The following MTUS2 variants were observed in gnomAD, a reference collection of about 807,000 sequenced individuals.
MTUS2 encodes microtubule associated scaffold protein 2.
In MTUS2, 40 loss-of-function variants were observed where a neutral mutation model predicts 114.1. The observed-to-expected ratio is 0.35, with a 90% CI of 0.27 to 0.46. The LOEUF (loss-of-function observed/expected upper bound fraction) is 0.46. Ranked by LOEUF, MTUS2 falls within the 20% of genes least tolerant of loss-of-function variation. The pLI, the probability that MTUS2 is intolerant of heterozygous loss-of-function variation, is 1.00. For missense variants in MTUS2, 1,679 were observed against 1,705.4 expected, an observed-to-expected ratio of 0.98 and a Z score of 0.27; for synonymous variants, 688 against 672.0, an observed-to-expected ratio of 1.02 and a Z score of -0.37.
At chr13:29,274,272 G>A (rs9551638) in intron 5 of MTUS2, among the ~76,000 whole-genome samples, 14,523 of 151,946 alleles carry the variant, frequency 0.096, 769 homozygotes, top group Non-Finnish European at 0.11. Context: ...CGCCACAACT[G>A]GCTAATTTTT....
At chr13:28,981,830 T>C (rs991525523) in intron 2 of MTUS2, among the ~76,000 whole-genome samples, 2 of 152,164 alleles carry the variant, frequency 1.3e-5, no homozygotes, top group African/African-American at 4.8e-5. Flanking sequence ...TTGCAGATGC[T>C]AAGGTCAGGG....
At chr13:29,035,871 G>A (rs960287221) in intron 4 of MTUS2, among the ~76,000 whole-genome samples, 8 of 152,194 alleles carry the variant, frequency 5.3e-5, no homozygotes, top group South Asian at 2.1e-4. Flanking sequence ...CAGGCTTGGC[G>A]TGGTGGCTCA....
intron 5 of MTUS2, among the ~76,000 whole-genome samples, chr13:29,121,622 C>G (rs759155258): frequency 1.3e-5 from 2 of 151,746 alleles, no homozygotes; most frequent in Non-Finnish European, 2.9e-5. Flanking sequence ...GTTCAAATCC[C>G]TGCTCTGCTA....
chr13:29,437,571 T>C (rs907546958), intron 8 of MTUS2, among the ~76,000 whole-genome samples: 1 of 152,196 alleles, frequency 6.6e-6, no homozygotes, highest in Non-Finnish European at 1.5e-5. Flanking sequence ...TTAGAACATG[T>C]TCCCTGTTCT....
intron 6 of MTUS2, among the ~76,000 whole-genome samples, chr13:29,296,278 T>C (rs976172330): frequency 6.6e-6 from 1 of 152,110 alleles, no homozygotes; most frequent in Admixed American, 6.6e-5. Context: ...AGTGGTGCGA[T>C]TATGGCTCAC....
chr13:28,953,490 CAA>C (rs1265086774), intron 2 of MTUS2, among the ~76,000 whole-genome samples: 3 of 152,156 alleles, frequency 2.0e-5, no homozygotes, highest in African/African-American at 7.2e-5. Flanking sequence ...GCCTGGGCAA[CAA>C]GAGTGAAACT....
chr13:29,007,234 T>C (rs1200566562), intron 2 of MTUS2, among the ~76,000 whole-genome samples: 3 of 152,208 alleles, frequency 2.0e-5, no homozygotes, highest in African/African-American at 7.2e-5. Context: ...AACAGTTGTT[T>C]TAAATTTTTA....
chr13:29,096,836 T>C (rs916259853), intron 4 of MTUS2, among the ~76,000 whole-genome samples: 5 of 152,186 alleles, frequency 3.3e-5, no homozygotes, highest in African/African-American at 7.2e-5. Flanking sequence ...GTCTTCTCCC[T>C]TTTTCTCTCA....
chr13:29,044,471 T>C (rs961135370), intron 4 of MTUS2, among the ~76,000 whole-genome samples: 13 of 152,292 alleles, frequency 8.5e-5, no homozygotes, highest in African/African-American at 3.1e-4. Context: ...CTGTTTTATA[T>C]GGTTTTCATC....
At chr13:28,852,014 C>A (rs1876309071) in intron 2 of MTUS2, among the ~76,000 whole-genome samples, 2 of 152,184 alleles carry the variant, frequency 1.3e-5, no homozygotes, top group South Asian at 4.1e-4. Context: ...CCACATCTAT[C>A]TCCCTCCCCC....
In MTUS2 at chr13:29,062,602, AT is replaced by A. The variant is rs370923685; in HGVS notation, c.2446+28486del. On this transcript the variant is annotated intron_variant, in intron 4 of 15. Coordinates refer to ENST00000612955, the MANE Select transcript of MTUS2 (RefSeq NM_001033602.4). ...TGGTTTGATATGTAAATTACACTCC[AT>A]TTTTTTTTCAGTTCTCAGATAGGAA... Among the ~76,000 whole-genome samples, 851 of 150,064 alleles carry A rather than the reference AT, an allele frequency of 5.7e-3. 6 individuals carry two copies. The highest frequency in any genetic ancestry group is 7.8e-3 in the Non-Finnish European group (524 of 67,392).
chr13:28,947,180 C>G (rs1464020061), intron 2 of MTUS2, among the ~76,000 whole-genome samples: 1 of 152,144 alleles, frequency 6.6e-6, no homozygotes, highest in East Asian at 1.9e-4. Context: ...CTTGAATTTA[C>G]TAATTAAAGT....
chr13:29,431,852 T>C (rs192579295), intron 8 of MTUS2, among the ~76,000 whole-genome samples: 3 of 152,056 alleles, frequency 2.0e-5, no homozygotes, highest in Admixed American at 1.3e-4. Context: ...GTTTTTTGTT[T>C]TGTTTTGTTT....
At chr13:29,138,608 G>T (rs1389872259) in intron 5 of MTUS2, among the ~76,000 whole-genome samples, 3 of 150,984 alleles carry the variant, frequency 2.0e-5, no homozygotes. Flanking sequence ...ATGAGTGCAG[G>T]GTTTCTTTTG....
chr13:28,946,357 T>C (rs1275792759), intron 2 of MTUS2, among the ~76,000 whole-genome samples: 1 of 152,024 alleles, frequency 6.6e-6, no homozygotes, highest in African/African-American at 2.4e-5. Context: ...ACATGTGAGT[T>C]CCTGCTAAGG....
intron 10 of MTUS2, among the ~76,000 whole-genome samples, chr13:29,486,434 T>G (rs1167815530): frequency 6.6e-6 from 1 of 152,226 alleles, no homozygotes; most frequent in African/African-American, 2.4e-5. Context: ...CAGGCTTCCT[T>G]TCTTGGGGAG....
At chr13:29,170,644 C>T (rs1048177556) in intron 5 of MTUS2, among the ~76,000 whole-genome samples, 5 of 152,176 alleles carry the variant, frequency 3.3e-5, no homozygotes, top group Admixed American at 6.6e-5. Flanking sequence ...CTGCCCTCCA[C>T]CCAAAGGTCT....
chr13:29,387,362 A>T (rs899951060), intron 8 of MTUS2, among the ~76,000 whole-genome samples: 1 of 152,200 alleles, frequency 6.6e-6, no homozygotes, highest in Admixed American at 6.5e-5. Flanking sequence ...CTGCGGTTGG[A>T]GAAGGCCTCT....
At chr13:29,428,747 CG>C in intron 8 of MTUS2, 1 of 1,585,408 alleles carries the variant, frequency 6.3e-7, no homozygotes, top group Non-Finnish European at 8.6e-7. Flanking sequence ...CAGCTCCCAG[CG>C]GCGCGCCCCT....
Sources: gnomAD v4.1 joint callset for allele counts (sites outside exome capture counted in the v4.1 genomes callset) on GRCh38, gnomAD v4.1.1 for gene constraint, MANE v1.5 for transcripts, NCBI Gene and HGNC (gene_info 2026-07-23, HGNC 2026-07-21) for gene names.